Variants in ARIH2 observed in about 807,000 individuals in gnomAD.
ARIH2 encodes the protein E3 ubiquitin-protein ligase ARIH2.
Under a neutral mutation model 79.8 loss-of-function variants are expected in ARIH2, and 12 were observed. The ratio of observed to expected loss-of-function variants is 0.15; its 90% CI spans 0.10 to 0.24. The LOEUF (loss-of-function observed/expected upper bound fraction) is 0.24. ARIH2 is among the 10% of genes least tolerant of loss of function. The probability of loss-of-function intolerance (pLI) is 1.00; values close to 1 mark genes in which losing one functional copy is unlikely to be tolerated. For missense variants in ARIH2, 301 were observed against 618.3 expected, an observed-to-expected ratio of 0.49 and a Z score of 5.44; for synonymous variants, 224 against 213.9, an observed-to-expected ratio of 1.05 and a Z score of -0.41.
At chr3:48,932,725 C>G (rs1314620991) in intron 3 of ARIH2, among the ~76,000 whole-genome samples, 1 of 152,138 alleles carries the variant, frequency 6.6e-6, no homozygotes, top group East Asian at 1.9e-4. Context: ...ATCTTAGCAT[C>G]ATGTTAGGGG....
rs994534443 is a variant in ARIH2, at chr3:48,942,738, G to A, written c.255+14925G>A. Reference sequence around the variant, plus strand: ...ACGATCTCAGCTCGCTGCAACCTCCGCCTCCCAGGTTCAAGCCATTCTCCT... The same window carrying A: ...ACGATCTCAGCTCGCTGCAACCTCCACCTCCCAGGTTCAAGCCATTCTCCT... On this transcript the variant is annotated intron_variant, in intron 3 of 15. Coordinates refer to ENST00000356401, the MANE Select transcript of ARIH2 (RefSeq NM_006321.4). 3.4e-5 allele frequency among the ~76,000 whole-genome samples: 5 copies of A among 145,904 alleles called. No homozygotes were observed. In the East Asian group the frequency reaches 6.2e-4, roughly 18 times the overall value.
At position 48,938,313 on chromosome 3, in the gene ARIH2, T is replaced by G. The variant is rs1026035750; in HGVS notation, c.255+10500T>G. On this transcript the variant is annotated intron_variant, in intron 3 of 15. Transcript: ENST00000356401. The stretch of plus-strand genomic sequence containing the variant: ...CTACCTCTGCTTCTTCTGTTTGTTT[T>G]GGTATTCAGATGTCTGTGGTAGTTT... Among the ~76,000 whole-genome samples, 37 of 152,358 alleles carry G rather than the reference T, an allele frequency of 2.4e-4. 1 individual carries two copies. Among genetic ancestry groups the G allele is most frequent in the African/African-American group, 8.9e-4 (37 of 41,584 alleles).
At position 48,984,594 on chromosome 3, in the gene ARIH2, T is replaced by G. The variant is rs1377953402; in HGVS notation, c.*1324T>G. 6.6e-6 allele frequency: 1 copy of G among 152,274 alleles called. No homozygotes were observed. Among genetic ancestry groups the G allele is most frequent in the Non-Finnish European group, 1.5e-5 (1 of 68,084 alleles). The allele number at this position is 152,274 out of a possible 1,614,324, so 9.4% of individuals were successfully genotyped here. On this transcript the variant is annotated 3_prime_UTR_variant, in exon 16 of 16. Coordinates refer to ENST00000356401, the MANE Select transcript of ARIH2 (RefSeq NM_006321.4). ...GTCCTACCTGTCCTGAACCTGGTCCTGTGGGCCATTGAAAAGTTAGATCTG... is the reference window on the plus strand; with the variant it reads ...GTCCTACCTGTCCTGAACCTGGTCCGGTGGGCCATTGAAAAGTTAGATCTG...
intron 3 of ARIH2, among the ~76,000 whole-genome samples, chr3:48,933,541 CTTTTT>C (rs779068845): frequency 7.9e-6 from 1 of 125,852 alleles, no homozygotes. Flanking sequence ...ATATTGCTCA[CTTTTT>C]TTTTTTTTTT....
intron 3 of ARIH2, among the ~76,000 whole-genome samples, chr3:48,945,764 T>G (rs2089036164): frequency 6.6e-6 from 1 of 152,158 alleles, no homozygotes; most frequent in Non-Finnish European, 1.5e-5. Context: ...TTAACAAACT[T>G]CAGGTGGACT....
At chr3:48,928,207 G>C (rs764429669) in intron 3 of ARIH2, among the ~76,000 whole-genome samples, 1 of 152,194 alleles carries the variant, frequency 6.6e-6, no homozygotes, top group Non-Finnish European at 1.5e-5. Flanking sequence ...AATGTCTTGA[G>C]AGTATACAGA....
chr3:48,923,682 C>T (rs1284041043), intron 2 of ARIH2, among the ~76,000 whole-genome samples: 1 of 151,942 alleles, frequency 6.6e-6, no homozygotes, highest in East Asian at 1.9e-4. Flanking sequence ...CCACCACGCC[C>T]AGCTAATTTT....
chr3:48,981,716 C>G lies in ARIH2; in HGVS notation c.1314C>G (p.Pro438=). The G allele has an allele frequency of 3.7e-6, 6 of 1,613,778 alleles. No individual in the cohort carries two copies. The South Asian group carries it at 6.6e-5, about 18-fold the overall frequency. The stretch of plus-strand genomic sequence containing the variant: ...ATGCATATTACATGGAGTCCGGACC[C>G]AGGAAGAAGCTGGTAAGGCAAAGCA... ...YPYAYYMESG[P]RKKLFEYQQA... is the part of the protein sequence containing the mutation. Residue 438 remains proline, a synonymous_variant, in exon 14 of 16, where the codon CCC becomes CCG. Coordinates refer to ENST00000356401, the MANE Select transcript of ARIH2 (RefSeq NM_006321.4).
chr3:48,921,745 T>C (rs1269248821), intron 1 of ARIH2, among the ~76,000 whole-genome samples: 1 of 151,704 alleles, frequency 6.6e-6, no homozygotes, highest in African/African-American at 2.4e-5. Flanking sequence ...GGTCCTGGAA[T>C]TTTTCTTTTT....
At chr3:48,944,061 CTGTT>C (rs777162869) in intron 3 of ARIH2, among the ~76,000 whole-genome samples, 2 of 152,148 alleles carry the variant, frequency 1.3e-5, no homozygotes, top group Non-Finnish European at 2.9e-5. Flanking sequence ...CCCTGGAAGT[CTGTT>C]AAGAGTTCTA....
In ARIH2 at chr3:48,979,972, C is replaced by T. The variant is rs1203724154; in HGVS notation, c.1113+339C>T. On this transcript the variant is annotated intron_variant, in intron 12 of 15. Coordinates refer to ENST00000356401, the MANE Select transcript of ARIH2 (RefSeq NM_006321.4). ...TTTTTATTTATTTTTTTCTTTCTGT[C>T]CTCACAATCTGTTCCCATAGTATCA... is the stretch of plus-strand genomic sequence containing the variant. The T allele has an allele frequency of 2.5e-5, 6 of 238,490 alleles. No individual in the cohort carries two copies. In the Admixed American group the frequency reaches 3.3e-4, roughly 13 times the overall value. The allele number at this position is 238,490 out of a possible 1,614,324, so 14.8% of individuals were successfully genotyped here.
intron 14 of ARIH2, 190 bp from the exon 15 acceptor site, chr3:48,982,706 T>C (rs922677829): frequency 1.9e-5 from 11 of 578,478 alleles, no homozygotes; most frequent in Non-Finnish European, 3.1e-5. Flanking sequence ...AATGTGGCCT[T>C]GCTGTTTGGA....
chr3:48,980,563 T>G, intron 13 of ARIH2, 67 bp downstream of exon 13: 3 of 1,553,366 alleles, frequency 1.9e-6, no homozygotes, highest in Non-Finnish European at 2.6e-6. Flanking sequence ...AGACCTCTGA[T>G]AGTGGGAAGC....
At chr3:48,919,468 G>C (rs1156570757) in intron 1 of ARIH2, 2 of 258,800 alleles carry the variant, frequency 7.7e-6, no homozygotes, top group Non-Finnish European at 1.5e-5. Flanking sequence ...CCCCGGAGCT[G>C]TGCCGCCGCC....
chr3:48,938,644 G>A (rs1018523864), intron 3 of ARIH2, among the ~76,000 whole-genome samples: 1 of 152,088 alleles, frequency 6.6e-6, no homozygotes, highest in Non-Finnish European at 1.5e-5. Context: ...GTAAATTTGG[G>A]AGTGCCCTTC....
intron 1 of ARIH2, chr3:48,919,233 G>A: frequency 8.0e-7 from 1 of 1,250,654 alleles, no homozygotes; most frequent in Non-Finnish European, 1.0e-6. Flanking sequence ...AAGGTCAGAG[G>A]CCACCGCCTC....
chr3:48,944,079 G>A (rs1464471122), intron 3 of ARIH2, among the ~76,000 whole-genome samples: 4 of 152,168 alleles, frequency 2.6e-5, no homozygotes, highest in Non-Finnish European at 4.4e-5. Context: ...AGTTCTAGGA[G>A]GGGCAGTAAC....
chr3:48,923,768 G>T (rs558382631), intron 2 of ARIH2, among the ~76,000 whole-genome samples: 19 of 152,032 alleles, frequency 1.2e-4, no homozygotes, highest in Non-Finnish European at 2.6e-4. Flanking sequence ...TGATCCACCC[G>T]CCTCGGCCTC....
rs200594843 is a variant in ARIH2 at position 48,979,587 on chromosome 3, C to T, written c.1067C>T (p.Ala356Val). Residue 356 changes from alanine to valine, a missense_variant, in exon 12 of 16, where the codon GCC becomes GTC. Transcript: ENST00000356401. ...GACATCGTGAACCAGAGCCAACAAG[C>T]CCAGGCGAGGGAAGCCCTCAAGAAG... ...NPDIVNQSQQ[A>V]QAREALKKYL... The T allele has an allele frequency of 3.2e-5, 51 of 1,614,104 alleles. No individual in the cohort carries two copies. Among genetic ancestry groups the T allele is most frequent in the Admixed American group, 1.7e-5 (1 of 60,006 alleles).
Sources: gnomAD v4.1 joint callset for allele counts (sites outside exome capture counted in the v4.1 genomes callset) on GRCh38, gnomAD v4.1.1 for gene constraint, MANE v1.5 for transcripts, NCBI Gene and HGNC (gene_info 2026-07-23, HGNC 2026-07-21) for gene names.